The following COL11A1 variants were observed in gnomAD, a reference collection of about 807,000 sequenced individuals.
COL11A1 encodes the protein collagen alpha-1(XI) chain.
A neutral mutation model predicts 265.2 loss-of-function variants in COL11A1; 74 were observed. The observed-to-expected ratio is 0.28, with a 90% CI of 0.23 to 0.34. The LOEUF is 0.34. Ranked by LOEUF, COL11A1 falls within the 10% of genes least tolerant of loss-of-function variation. The probability of loss-of-function intolerance (pLI) is 1.00; values close to 1 mark genes in which losing one functional copy is unlikely to be tolerated. For synonymous variants in COL11A1, 816 were observed against 727.6 expected, an observed-to-expected ratio of 1.12 and a Z score of -1.96; for missense variants, 2,165 against 2,263.6, an observed-to-expected ratio of 0.96 and a Z score of 0.88.
intron 4 of COL11A1, among the ~76,000 whole-genome samples, chr1:103,038,637 ATGTCATTTGAG>A (rs1232701586): frequency 6.6e-6 from 1 of 152,150 alleles, no homozygotes; most frequent in African/African-American, 2.4e-5. Flanking sequence ...AACTCAAAAG[ATGTCATTTGAG>A]TGTCATTTGA....
At chr1:102,897,965 CAGTT>C (rs1388194437) in intron 57 of COL11A1, among the ~76,000 whole-genome samples, 156 bp downstream of exon 57, 1 of 152,136 alleles carries the variant, frequency 6.6e-6, no homozygotes, top group Non-Finnish European at 1.5e-5. Flanking sequence ...ATATACCTAT[CAGTT>C]AGGATTACTT....
At chr1:102,944,861 A>G (rs536711979) in intron 42 of COL11A1, among the ~76,000 whole-genome samples, 4 of 152,176 alleles carry the variant, frequency 2.6e-5, no homozygotes, top group East Asian at 1.9e-4. Flanking sequence ...TGTGTTCCCT[A>G]TATTTTTTAA....
intron 35 of COL11A1, among the ~76,000 whole-genome samples, chr1:102,976,115 A>G (rs1360187069): frequency 6.6e-6 from 1 of 152,020 alleles, no homozygotes; most frequent in Non-Finnish European, 1.5e-5. Flanking sequence ...TTGGTTATGT[A>G]GCAAACTATT....
chr1:102,901,943 C>T (rs1390962322), intron 54 of COL11A1, among the ~76,000 whole-genome samples: 1 of 152,050 alleles, frequency 6.6e-6, no homozygotes, highest in Non-Finnish European at 1.5e-5. Flanking sequence ...GTCACAAACA[C>T]AGATACAAAA....
chr1:102,998,706 T>A (rs1664855572), intron 24 of COL11A1, among the ~76,000 whole-genome samples: 1 of 151,866 alleles, frequency 6.6e-6, no homozygotes, highest in Non-Finnish European at 1.5e-5. Context: ...ATTCATATCA[T>A]TAAAGAGGTA....
chr1:102,901,288 C>T (rs1653166605), intron 54 of COL11A1, among the ~76,000 whole-genome samples: 1 of 150,170 alleles, frequency 6.7e-6, no homozygotes. Flanking sequence ...CGATTGTGCT[C>T]CAGCCTGGGA....
At chr1:103,001,606 TAAAATAA>T in intron 24 of COL11A1, 1 of 459,116 alleles carries the variant, frequency 2.2e-6, no homozygotes. Flanking sequence ...TACTTTTTTG[TAAAATAA>T]TGAGAAAGAA....
chr1:103,019,837 T>C (rs79396878), intron 9 of COL11A1, among the ~76,000 whole-genome samples: 1 of 149,556 alleles, frequency 6.7e-6, no homozygotes, highest in Admixed American at 6.7e-5. Context: ...GAATACGCAG[T>C]GTTTGGTTTT....
chr1:103,043,307 T>G (rs972994140), intron 4 of COL11A1, among the ~76,000 whole-genome samples: 6 of 151,420 alleles, frequency 4.0e-5, no homozygotes, highest in African/African-American at 1.5e-4. Context: ...GTTTAAGGAT[T>G]TGAATAACCA....
intron 11 of COL11A1, among the ~76,000 whole-genome samples, chr1:103,016,257 T>C (rs899989954): frequency 1.8e-4 from 27 of 148,996 alleles, no homozygotes; most frequent in Non-Finnish European, 3.6e-4. Flanking sequence ...AGATACTTTT[T>C]AACATAGATA....
chr1:102,995,605 G>GT (rs1461683623), intron 28 of COL11A1, among the ~76,000 whole-genome samples: 2 of 143,128 alleles, frequency 1.4e-5, no homozygotes, highest in Non-Finnish European at 3.1e-5. Flanking sequence ...TTAAGCACAT[G>GT]TAAAAAAAAA....
chr1:102,935,235 A>G, intron 44 of COL11A1, 122 bp from the exon 45 acceptor site: 1 of 737,054 alleles, frequency 1.4e-6, no homozygotes, highest in Non-Finnish European at 2.3e-6. Flanking sequence ...AAAAAGAAGC[A>G]TCACATAGAA....
rs78844542 is a variant in COL11A1 at position 103,065,753 on chromosome 1, G to A, written c.651+8865C>T. ...AGCAGCAAAGTAGAAACTTTAAAGAGTGAAGGCTTCCTAAATTTGTTGAAA... is the reference window on the plus strand; with the variant it reads ...AGCAGCAAAGTAGAAACTTTAAAGAATGAAGGCTTCCTAAATTTGTTGAAA... On this transcript the variant is annotated intron_variant, in intron 4 of 66. Coordinates refer to ENST00000370096, the MANE Select transcript of COL11A1 (RefSeq NM_001854.4). Among the ~76,000 whole-genome samples, 1,079 of 152,074 alleles carry A rather than the reference G, an allele frequency of 7.1e-3. 14 individuals carry two copies. The highest frequency in any genetic ancestry group is 0.025 in the African/African-American group (1,025 of 41,492).
At chr1:102,966,023 A>G (rs1661371614) in intron 37 of COL11A1, among the ~76,000 whole-genome samples, 1 of 152,224 alleles carries the variant, frequency 6.6e-6, no homozygotes, top group Non-Finnish European at 1.5e-5. Context: ...TTGCATAGTT[A>G]GTAATTATTT....
At chr1:103,035,649 A>G (rs1408113527) in intron 4 of COL11A1, among the ~76,000 whole-genome samples, 1 of 152,084 alleles carries the variant, frequency 6.6e-6, no homozygotes, top group Non-Finnish European at 1.5e-5. Flanking sequence ...ATAAGGAAAC[A>G]TCTTCTTTAA....
At chr1:102,997,539 G>A (rs1192610567) in intron 25 of COL11A1, among the ~76,000 whole-genome samples, 2 of 151,858 alleles carry the variant, frequency 1.3e-5, no homozygotes, top group African/African-American at 4.8e-5. Context: ...TGAGACATCT[G>A]AAAATACAGC....
chr1:102,914,818 A>C lies in COL11A1; in HGVS notation c.3817-7T>G. On this transcript the variant is annotated splice_polypyrimidine_tract_variant and splice_region_variant and intron_variant, in intron 50 of 66. Coordinates refer to ENST00000370096, the MANE Select transcript of COL11A1 (RefSeq NM_001854.4). The stretch of plus-strand genomic sequence containing the variant: ...CTCTTTCTCCTTTGGGACCCTAAAC[A>C]ATGTTAAAAAAAAAAAAAGAAGAAG... 1 of 1,485,892 alleles carries C rather than the reference A, an allele frequency of 6.7e-7. No homozygotes were observed. The highest frequency in any genetic ancestry group is 9.1e-7 in the Non-Finnish European group (1 of 1,103,610). 92.0% of individuals were successfully genotyped at this position (1,485,892 alleles called of 1,614,324 possible).
intron 11 of COL11A1, 27 bp downstream of exon 11, chr1:103,017,793 A>G: frequency 6.3e-7 from 1 of 1,582,084 alleles, no homozygotes; most frequent in Non-Finnish European, 8.7e-7. Context: ...ATGCATTTGT[A>G]ATGAGATATC....
intron 3 of COL11A1, among the ~76,000 whole-genome samples, chr1:103,074,998 CAGT>C (rs1558028513): frequency 6.6e-6 from 1 of 152,080 alleles, no homozygotes; most frequent in Non-Finnish European, 1.5e-5. Flanking sequence ...ATAAAATGCA[CAGT>C]AGAATTAGCT....
Sources: gnomAD v4.1 joint callset for allele counts (sites outside exome capture counted in the v4.1 genomes callset) on GRCh38, gnomAD v4.1.1 for gene constraint, MANE v1.5 for transcripts, NCBI Gene and HGNC (gene_info 2026-07-23, HGNC 2026-07-21) for gene names.